The following PZP variants were observed in gnomAD, a reference collection of about 807,000 sequenced individuals.
The protein encoded by PZP is pregnancy zone protein.
Under a neutral mutation model 179.8 loss-of-function variants are expected in PZP, and 150 were observed. That is an observed-to-expected ratio of 0.83 (90% CI 0.73 to 0.96). The LOEUF (loss-of-function observed/expected upper bound fraction) is 0.96, where lower values mean the gene tolerates loss of function less well. Among genes scored for constraint, PZP ranks in the 40% least tolerant of loss-of-function variants. The pLI is 0.00. For missense variants in PZP, 1,689 were observed against 1,764.0 expected, an observed-to-expected ratio of 0.96 and a Z score of 0.76; for synonymous variants, 624 against 652.3, an observed-to-expected ratio of 0.96 and a Z score of 0.66.
chr12:9,203,319 G>T (rs893580679), intron 2 of PZP, among the ~76,000 whole-genome samples: 1 of 148,276 alleles, frequency 6.7e-6, no homozygotes, highest in African/African-American at 2.5e-5. Flanking sequence ...AGTCCTTTCT[G>T]AAGTCCTAAC....
the PZP span, among the ~76,000 whole-genome samples, chr12:9,138,462 AT>A: frequency 0.1 from 14,938 of 147,766 alleles, 928 homozygotes; most frequent in African/African-American, 0.18. Flanking sequence ...TTGGCCTGTC[AT>A]TTTTTTTTTC....
In PZP at chr12:9,152,275, A is replaced by T; in HGVS notation, c.4157T>A (p.Ile1386Asn). Residue 1386 changes from isoleucine to asparagine, a missense_variant, in exon 32 of 36, where the codon ATT becomes AAT. By Grantham distance (149) the Ile-to-Asn change is moderately radical. Transcript: ENST00000261336. ...ACCAGATACCATCTTTACATCAACA[A>T]TCACCATATTGGAAGCAGGACGGTT... ...TGNRPASNMV[I>N]VDVKMVSGFI... 6.2e-7 allele frequency: 1 copy of T among 1,613,390 alleles called. No homozygotes were observed.
At chr12:9,171,067 G>C (rs769827602) in intron 15 of PZP, among the ~76,000 whole-genome samples, 2 of 152,150 alleles carry the variant, frequency 1.3e-5, no homozygotes, top group Non-Finnish European at 2.9e-5. Flanking sequence ...TCCCAATGAG[G>C]GTCTCCAGCC....
rs938656708 is a variant in PZP, at chr12:9,183,572, T to A, written c.1547-1455A>T. ...ACAACACCACGTTTGGCTAATTTTTTATATATTTTTGTAGAGATAGGATCT... is the reference window on the plus strand; with the variant it reads ...ACAACACCACGTTTGGCTAATTTTTAATATATTTTTGTAGAGATAGGATCT... On this transcript the variant is annotated intron_variant, in intron 13 of 35. Transcript: ENST00000261336. Among the ~76,000 whole-genome samples, 8 of 152,244 alleles carry A rather than the reference T, an allele frequency of 5.3e-5. 1 individual carries two copies. The highest frequency in any genetic ancestry group is 1.9e-4 in the African/African-American group (8 of 41,546).
At chr12:9,206,902 C>A (rs1371816176) in intron 1 of PZP, among the ~76,000 whole-genome samples, 1 of 152,166 alleles carries the variant, frequency 6.6e-6, no homozygotes, top group African/African-American at 2.4e-5. Context: ...CTCGCTTTAT[C>A]CATTCAGTCT....
rs746707125 is a variant in PZP at position 9,162,601 on chromosome 12, G to C, written c.2784C>G (p.Ala928=). 6 of 1,586,760 alleles carry C rather than the reference G, an allele frequency of 3.8e-6. No individual in the cohort carries two copies. The East Asian group carries it at 1.1e-4, about 30-fold the overall frequency. The change falls in exon 22 of 36, where the codon GCC becomes GCG. Residue 928 remains alanine, a synonymous_variant. Coordinates refer to ENST00000261336, the MANE Select transcript of PZP (RefSeq NM_002864.3). ...ATTATGAAGATGGACTCTTACCTGA[G>C]GCACAGGTCATAGAACTGAAAGTCT... is the stretch of plus-strand genomic sequence containing the variant. The part of the protein sequence containing the change: ...QEKTFSSMTC[A]SGANVSEQLS...
chr12:9,160,384 C>T lies in PZP; in HGVS notation c.2979G>A (p.Leu993=). The T allele has an allele frequency of 6.2e-7, 1 of 1,614,142 alleles. No homozygotes were observed. Among genetic ancestry groups the T allele is most frequent in the Non-Finnish European group, 8.5e-7 (1 of 1,180,012 alleles). ...GCTGCTGGGTTTCATTCAGATAGTT[C>T]AAGACATAGATGTTAGGAGCAAATA... The part of the protein sequence containing the change: ...MVLFAPNIYV[L]NYLNETQQLT... Residue 993 remains leucine, a synonymous_variant, in exon 24 of 36, where the codon TTG becomes TTA. Coordinates refer to ENST00000261336, the MANE Select transcript of PZP (RefSeq NM_002864.3).
chr12:9,162,355 G>A, intron 22 of PZP: 1 of 447,524 alleles, frequency 2.2e-6, no homozygotes, highest in East Asian at 4.1e-5. Context: ...AGGTAAAAGG[G>A]CTACGTATGA....
chr12:9,198,748 A>C (rs1460825952), intron 7 of PZP, among the ~76,000 whole-genome samples: 1 of 152,190 alleles, frequency 6.6e-6, no homozygotes, highest in Non-Finnish European at 1.5e-5. Context: ...CTCTGAAATT[A>C]CTTCAAATAA....
rs1944204712 is a variant in PZP, at chr12:9,202,241, T to C, written c.480+78A>G. The stretch of plus-strand genomic sequence containing the variant: ...CAAGTGTCTTTCATCCTCTCGCTTT[T>C]CTTGTACCTTTCTACCTCACTCTGG... On this transcript the variant is annotated intron_variant, in intron 4 of 35. Coordinates refer to ENST00000261336, the MANE Select transcript of PZP (RefSeq NM_002864.3). 1.1e-5 allele frequency: 15 copies of C among 1,308,510 alleles called. No homozygotes were observed. In the South Asian group the frequency reaches 1.7e-4, roughly 15 times the overall value. The allele number at this position is 1,308,510 out of a possible 1,614,324, so 81.1% of individuals were successfully genotyped here.
Position 9,196,392 on chromosome 12 carries a change from A to G in PZP, c.1030T>C (p.Ser344Pro), listed in dbSNP as rs770234150. The change falls in exon 10 of 36, where the codon TCC (serine) becomes CCC (proline). Residue 344 changes from serine to proline, a missense_variant. By Grantham distance (74) the Ser-to-Pro change is moderately conservative. This residue lies in a region of PZP where 742 missense variants were observed against 730.5 expected (regional missense o/e 1.02). Transcript: ENST00000261336. ...TCCACTTTCACGAATTTGAGTTTGG[A>G]TACAATGTTTGTGATTTCACTGATC... The part of the protein sequence containing the change: ...NRISEITNIV[S>P]KLKFVKVDSH... The G allele has an allele frequency of 1.3e-5, 21 of 1,613,836 alleles. No homozygotes were observed. The highest frequency in any genetic ancestry group is 1.6e-5 in the Non-Finnish European group (19 of 1,179,888).
At chr12:9,171,812 A>G (rs1458593264) in intron 15 of PZP, among the ~76,000 whole-genome samples, 2 of 152,132 alleles carry the variant, frequency 1.3e-5, no homozygotes, top group Non-Finnish European at 2.9e-5. Flanking sequence ...AAAAGAAATG[A>G]ACAAAACCTC....
chr12:9,138,378 C>T, the PZP span, among the ~76,000 whole-genome samples: 2 of 151,826 alleles, frequency 1.3e-5, no homozygotes, highest in African/African-American at 4.8e-5. Context: ...GATGTATGAT[C>T]CCTTTAATGT....
Position 9,150,654 on chromosome 12 carries a change from G to A in PZP, c.4374C>T (p.Tyr1458=), listed in dbSNP as rs773689825. 6.2e-7 allele frequency: 1 copy of A among 1,600,590 alleles called. No homozygotes were observed. The highest frequency in any genetic ancestry group is 8.6e-7 in the Non-Finnish European group (1 of 1,169,056). ...TTTTCTTTCACTCACCTGTCTCATAGTAATCATAGACTTTAACAATTGCTG... is the reference window on the plus strand; with the variant it reads ...TTTTCTTTCACTCACCTGTCTCATAATAATCATAGACTTTAACAATTGCTG... ...LKPAIVKVYD[Y]YETDESVVAE... The change falls in exon 34 of 36, where the codon TAC becomes TAT. Residue 1458 remains tyrosine (Y), a synonymous_variant. Transcript: ENST00000261336.
chr12:9,178,197 A>G (rs187938254), intron 15 of PZP, among the ~76,000 whole-genome samples: 2 of 152,348 alleles, frequency 1.3e-5, no homozygotes, highest in African/African-American at 4.8e-5. Flanking sequence ...TAAATGGCAA[A>G]TTCAGAAATA....
chr12:9,160,022 T>C lies in PZP; in HGVS notation c.3053A>G (p.Tyr1018Cys), dbSNP rs1941057740. ...AKAVGYLITG[Y>C]QRQLNYKHQD... ...GTGTTTGTAGTTCAGCTGTCTCTGGTAACCTGAAATGGAAGGCTTCAGATT... is the reference window on the plus strand; with the variant it reads ...GTGTTTGTAGTTCAGCTGTCTCTGGCAACCTGAAATGGAAGGCTTCAGATT... Residue 1018 changes from tyrosine to cysteine, a missense_variant, in exon 25 of 36, where the codon TAC becomes TGC. Coordinates refer to ENST00000261336, the MANE Select transcript of PZP (RefSeq NM_002864.3). 2 of 1,613,088 alleles carry C rather than the reference T, an allele frequency of 1.2e-6. No homozygotes were observed. Among genetic ancestry groups the C allele is most frequent in the Admixed American group, 1.7e-5 (1 of 59,994 alleles).
chr12:9,152,320 C>G lies in PZP; in HGVS notation c.4122-10G>C. 2 of 1,602,036 alleles carry G rather than the reference C, an allele frequency of 1.2e-6. No individual in the cohort carries two copies. The highest frequency in any genetic ancestry group is 1.7e-5 in the Admixed American group (1 of 59,952). ...ACGGTTTCCTGTGTAACTGTAGTGT[C>G]AAAGGAAAAAGAATTTAGGGTTTTA... is the stretch of plus-strand genomic sequence containing the variant. On this transcript the variant is annotated splice_polypyrimidine_tract_variant and intron_variant, in intron 31 of 35. Coordinates refer to ENST00000261336, the MANE Select transcript of PZP (RefSeq NM_002864.3).
intron 32 of PZP, 123 bp downstream of exon 32, chr12:9,152,097 T>C (rs1940398095): frequency 5.2e-6 from 4 of 774,092 alleles, no homozygotes; most frequent in Non-Finnish European, 8.8e-6. Context: ...ACTTCCTGGG[T>C]TTGGGAAAAA....
At chr12:9,160,600 A>G in intron 23 of PZP, 110 bp from the exon 24 acceptor site, 2 of 972,084 alleles carry the variant, frequency 2.1e-6, no homozygotes, top group Non-Finnish European at 3.1e-6. Context: ...GTAAGAGAAA[A>G]GTTATATACA....
Sources: allele counts gnomAD v4.1 joint callset (sites outside exome capture counted in the v4.1 genomes callset), GRCh38; gene constraint gnomAD v4.1.1; regional missense constraint gnomAD v4.1.1; transcripts MANE v1.5; gene names NCBI Gene and HGNC (gene_info 2026-07-23, HGNC 2026-07-21).